Variants in AK7 observed in about 807,000 individuals in gnomAD.
AK7 encodes the protein adenylate kinase 7.
A neutral mutation model predicts 96.6 loss-of-function variants in AK7; 78 were observed. The observed-to-expected ratio is 0.81, with a 90% CI of 0.67 to 0.97. The LOEUF (loss-of-function observed/expected upper bound fraction) is 0.97. Ranked by LOEUF, AK7 falls within the 50% of genes least tolerant of loss-of-function variation. AK7 has a pLI of 0.00. For missense variants in AK7, 855 were observed against 887.9 expected, an observed-to-expected ratio of 0.96 and a Z score of 0.47; for synonymous variants, 302 against 317.2, an observed-to-expected ratio of 0.95 and a Z score of 0.51.
rs908358157 is a variant in AK7, at chr14:96,421,826, C to T, written c.609+894C>T. Among the ~76,000 whole-genome samples the T allele has an allele frequency of 2.6e-5, 4 of 152,046 alleles. No homozygotes were observed. The East Asian group carries it at 5.8e-4, about 22-fold the overall frequency. On this transcript the variant is annotated intron_variant, in intron 5 of 17. Coordinates refer to ENST00000267584, the MANE Select transcript of AK7 (RefSeq NM_152327.5). ...TCCACCATGTTAGCCAGGATGGTCT[C>T]GATCTCCTGAACTCGTGATCCGCCC...
chr14:96,438,368 G>A (rs1177214245), intron 6 of AK7, among the ~76,000 whole-genome samples: 2 of 152,154 alleles, frequency 1.3e-5, no homozygotes, highest in Non-Finnish European at 2.9e-5. Flanking sequence ...GTAAGGTTGC[G>A]GGGATTGGGG....
intron 6 of AK7, 140 bp from the exon 7 acceptor site, chr14:96,442,590 T>C (rs1893017013): frequency 2.5e-5 from 18 of 732,902 alleles, no homozygotes; most frequent in Non-Finnish European, 4.0e-5. Flanking sequence ...TCAGGGCTGA[T>C]TTATAAAACA....
Position 96,471,615 on chromosome 14 carries a change from G to A in AK7, c.1486+9G>A, listed in dbSNP as rs767163888. The A allele has an allele frequency of 6.5e-7, 1 of 1,534,440 alleles. No homozygotes were observed. The highest frequency in any genetic ancestry group is 8.7e-7 in the Non-Finnish European group (1 of 1,144,490). The stretch of plus-strand genomic sequence containing the variant: ...AAAAGACCTGTTCAATCGTAAGTTT[G>A]AGTGTTCTATTTTGAGTATTTATAT... On this transcript the variant is annotated intron_variant, in intron 13 of 17. Coordinates refer to ENST00000267584, the MANE Select transcript of AK7 (RefSeq NM_152327.5).
intron 15 of AK7, among the ~76,000 whole-genome samples, chr14:96,481,798 G>C (rs28711146): frequency 0.037 from 5,492 of 149,262 alleles, 160 homozygotes; most frequent in African/African-American, 0.076. Flanking sequence ...TCTGCTTCCC[G>C]GGTTCAAGTG....
intron 5 of AK7, among the ~76,000 whole-genome samples, chr14:96,434,727 G>A (rs1046482394): frequency 2.0e-5 from 3 of 152,196 alleles, no homozygotes; most frequent in African/African-American, 7.2e-5. Context: ...CCATCTGGGA[G>A]TCAGGGACTA....
In AK7 at chr14:96,406,146, C is replaced by T. The variant is rs553187995; in HGVS notation, c.403+1281C>T. Among the ~76,000 whole-genome samples the T allele has an allele frequency of 1.3e-4, 19 of 152,000 alleles. No individual in the cohort carries two copies. The East Asian group carries it at 2.7e-3, about 22-fold the overall frequency. On this transcript the variant is annotated intron_variant, in intron 3 of 17. Transcript: ENST00000267584. ...TTGGCTCACTGCAGTCTCCACCTCC[C>T]GGGTTCAAGTGATTCTCCTGCCTCA...
chr14:96,468,062 C>A (rs1299284383), intron 12 of AK7, among the ~76,000 whole-genome samples: 2 of 137,388 alleles, frequency 1.5e-5, no homozygotes, highest in Non-Finnish European at 3.1e-5. Flanking sequence ...CATAGCAAGA[C>A]CCCGTCTCTA....
chr14:96,411,446 G>A (rs1891021939), intron 4 of AK7, among the ~76,000 whole-genome samples: 1 of 152,024 alleles, frequency 6.6e-6, no homozygotes, highest in Non-Finnish European at 1.5e-5. Context: ...TGGAGGCAGA[G>A]GTTGCAGTGA....
intron 14 of AK7, among the ~76,000 whole-genome samples, chr14:96,473,090 G>A (rs1299215824): frequency 6.6e-6 from 1 of 151,868 alleles, no homozygotes. Flanking sequence ...AAGAAAAGAA[G>A]AATGCTGTCT....
intron 14 of AK7, among the ~76,000 whole-genome samples, chr14:96,476,232 G>A (rs1359127927): frequency 1.3e-5 from 2 of 152,066 alleles, no homozygotes; most frequent in South Asian, 2.1e-4. Context: ...TCAGCCCAGC[G>A]CAGTGGCTCA....
At chr14:96,395,407 G>C (rs1299656849) in intron 1 of AK7, among the ~76,000 whole-genome samples, 12 of 152,168 alleles carry the variant, frequency 7.9e-5, no homozygotes, top group South Asian at 4.1e-4. Context: ...CTGAGGCAGA[G>C]GATGAAGAAG....
At chr14:96,461,744 C>T (rs1160396376) in intron 12 of AK7, among the ~76,000 whole-genome samples, 1 of 152,076 alleles carries the variant, frequency 6.6e-6, no homozygotes, top group Non-Finnish European at 1.5e-5. Context: ...ACCACCATGG[C>T]CAGCTAATTT....
At chr14:96,424,579 T>C (rs1181366878) in intron 5 of AK7, among the ~76,000 whole-genome samples, 1 of 152,118 alleles carries the variant, frequency 6.6e-6, no homozygotes, top group Non-Finnish European at 1.5e-5. Context: ...ATAATAGTTC[T>C]AAGATGACAC....
At chr14:96,411,631 G>A (rs1457839554) in intron 4 of AK7, among the ~76,000 whole-genome samples, 2 of 152,126 alleles carry the variant, frequency 1.3e-5, no homozygotes, top group Non-Finnish European at 2.9e-5. Flanking sequence ...GATTAATGAA[G>A]TAATAAATAA....
chr14:96,406,029 G>T (rs2139999362), intron 3 of AK7, among the ~76,000 whole-genome samples: 1 of 148,724 alleles, frequency 6.7e-6, no homozygotes, highest in Non-Finnish European at 1.5e-5. Context: ...TGGTGCCTTT[G>T]TGTTTCATGT....
At chr14:96,404,903 T>C (rs1194418253) in intron 3 of AK7, 38 bp downstream of exon 3, 4 of 1,456,846 alleles carry the variant, frequency 2.7e-6, no homozygotes, top group Admixed American at 1.7e-5. Flanking sequence ...AGGGATGCTA[T>C]TGTAGTGCTG....
intron 2 of AK7, 134 bp downstream of exon 2, chr14:96,398,397 C>G (rs1890208844): frequency 1.1e-6 from 1 of 901,866 alleles, no homozygotes; most frequent in African/African-American, 1.7e-5. Context: ...GAGGGAATGG[C>G]TTTCTCCTGT....
intron 1 of AK7, among the ~76,000 whole-genome samples, chr14:96,395,000 GACAGTCGAA>G (rs1256200701): frequency 6.6e-6 from 1 of 152,124 alleles, no homozygotes; most frequent in Non-Finnish European, 1.5e-5. Flanking sequence ...ATATAGAGAA[GACAGTCGAA>G]ACTCTGCACA....
intron 6 of AK7, among the ~76,000 whole-genome samples, chr14:96,442,098 A>G (rs977976197): frequency 5.9e-5 from 9 of 152,172 alleles, no homozygotes; most frequent in African/African-American, 2.2e-4. Context: ...AAATAATCTA[A>G]TATGTGACAC....
Sources: allele counts gnomAD v4.1 joint callset (sites outside exome capture counted in the v4.1 genomes callset), GRCh38; gene constraint gnomAD v4.1.1; transcripts MANE v1.5; gene names NCBI Gene and HGNC (gene_info 2026-07-23, HGNC 2026-07-21).